AGAP1: variants seen among roughly 807,000 people sequenced by gnomAD.
The protein encoded by AGAP1 is ArfGAP with GTPase domain, ankyrin repeat and PH domain 1.
Under a neutral mutation model 105.3 loss-of-function variants are expected in AGAP1, and 29 were observed. That is an observed-to-expected ratio of 0.28 (90% CI 0.21 to 0.38). The LOEUF is 0.38. Ranked by LOEUF, AGAP1 falls within the 10% of genes least tolerant of loss-of-function variation. The probability of loss-of-function intolerance (pLI) is 1.00; values close to 1 mark genes in which losing one functional copy is unlikely to be tolerated. For missense variants in AGAP1, 998 were observed against 1,165.1 expected (o/e 0.86, Z 2.09); for synonymous variants, 509 against 485.9 (o/e 1.05, Z -0.63).
intron 1 of AGAP1, among the ~76,000 whole-genome samples, chr2:235,520,085 A>G (rs1048917292): frequency 5.9e-5 from 9 of 152,142 alleles, no homozygotes; most frequent in African/African-American, 2.2e-4. Flanking sequence ...CCCGGCCTCA[A>G]TATTATTTTG....
chr2:235,940,760 G>C (rs895703254), intron 12 of AGAP1, among the ~76,000 whole-genome samples: 1 of 152,212 alleles, frequency 6.6e-6, no homozygotes, highest in Non-Finnish European at 1.5e-5. Context: ...AAATGATCCT[G>C]TTTGCTTATG....
chr2:235,753,692 C>G lies in AGAP1; in HGVS notation c.673+3204C>G, dbSNP rs985818457. On this transcript the variant is annotated intron_variant, in intron 6 of 17. Transcript: ENST00000304032. The surrounding 1 kb of genome is among the most constrained non-coding windows in gnomAD (Gnocchi z 4.5). Reference sequence around the variant, plus strand: ...TTGCGCTCCATCCTGGGTGACAGAGCGAGACTCTGTCTCAAAAAAAAAAAA... The same window carrying G: ...TTGCGCTCCATCCTGGGTGACAGAGGGAGACTCTGTCTCAAAAAAAAAAAA... Among the ~76,000 whole-genome samples, 2 of 148,840 alleles carry G rather than the reference C, an allele frequency of 1.3e-5. No individual in the cohort carries two copies. The highest frequency in any genetic ancestry group is 3.0e-5 in the Non-Finnish European group (2 of 67,572).
intron 16 of AGAP1, among the ~76,000 whole-genome samples, chr2:236,103,082 C>A (rs1295463243): frequency 1.4e-5 from 2 of 146,866 alleles, no homozygotes; most frequent in Non-Finnish European, 3.0e-5. Flanking sequence ...TGCATTCTGA[C>A]CGTGACTCCC....
chr2:235,637,039 T>C (rs1947027141), intron 1 of AGAP1, among the ~76,000 whole-genome samples: 1 of 152,182 alleles, frequency 6.6e-6, no homozygotes, highest in Non-Finnish European at 1.5e-5. Flanking sequence ...CTTGGACTTC[T>C]GGCCTCCAGA....
At position 235,622,906 on chromosome 2, in the gene AGAP1, C is replaced by G. The variant is rs1187364280; in HGVS notation, c.164-86273C>G. On this transcript the variant is annotated intron_variant, in intron 1 of 17. Transcript: ENST00000304032. This position sits in a 1 kb window ranked among gnomAD's most constrained non-coding sequence, Gnocchi z 5.0. The stretch of plus-strand genomic sequence containing the variant: ...CTTGGAGTCAGCACTGCTTCACGGT[C>G]CTATTGGCATGAGAACCACGTCCCC... Among the ~76,000 whole-genome samples the G allele has an allele frequency of 1.3e-5, 2 of 152,082 alleles. No homozygotes were observed. Among genetic ancestry groups the G allele is most frequent in the African/African-American group, 4.8e-5 (2 of 41,412 alleles).
rs2058628807 is a variant in AGAP1 at position 236,076,053 on chromosome 2, C to G, written c.2114+26772C>G. On this transcript the variant is annotated intron_variant, in intron 16 of 17. Coordinates refer to ENST00000304032, the MANE Select transcript of AGAP1 (RefSeq NM_001037131.3). This position sits in a 1 kb window ranked among gnomAD's most constrained non-coding sequence, Gnocchi z 4.4. ...GGCAGCTCTGCTCCTCACCAAGGCCCAAGACCCGTGCTGTCATAACAGTCC... is the reference window on the plus strand; with the variant it reads ...GGCAGCTCTGCTCCTCACCAAGGCCGAAGACCCGTGCTGTCATAACAGTCC... 6.6e-6 allele frequency among the ~76,000 whole-genome samples: 1 copy of G among 152,206 alleles called. No homozygotes were observed. The highest frequency in any genetic ancestry group is 2.1e-4 in the South Asian group (1 of 4,834).
At chr2:236,032,937 T>C (rs909657224) in intron 13 of AGAP1, among the ~76,000 whole-genome samples, 1 of 152,024 alleles carries the variant, frequency 6.6e-6, no homozygotes, top group Non-Finnish European at 1.5e-5. Flanking sequence ...AGACAGGTGG[T>C]GGGATAGATT....
chr2:235,782,953 A>G (rs1354054623), intron 6 of AGAP1, among the ~76,000 whole-genome samples: 1 of 152,054 alleles, frequency 6.6e-6, no homozygotes, highest in Non-Finnish European at 1.5e-5. Context: ...TTCAGCTGTA[A>G]GTGCAATAAA....
rs1446694450 is a variant in AGAP1 at position 235,705,584 on chromosome 2, A to G, written c.164-3595A>G. Among the ~76,000 whole-genome samples the G allele has an allele frequency of 6.6e-6, 1 of 152,202 alleles. No homozygotes were observed. Among genetic ancestry groups the G allele is most frequent in the Non-Finnish European group, 1.5e-5 (1 of 68,032 alleles). ...GAGTAGGAGGAAGGACTATTTTGGT[A>G]TGCATGGCTTTCGCGAATGTTTTGT... On this transcript the variant is annotated intron_variant, in intron 1 of 17. Coordinates refer to ENST00000304032, the MANE Select transcript of AGAP1 (RefSeq NM_001037131.3). This position sits in a 1 kb window ranked among gnomAD's most constrained non-coding sequence, Gnocchi z 4.9.
chr2:235,784,075 G>T (rs1369193434), intron 6 of AGAP1, among the ~76,000 whole-genome samples: 1 of 152,098 alleles, frequency 6.6e-6, no homozygotes, highest in Non-Finnish European at 1.5e-5. Context: ...GTGGAAGGAG[G>T]TGTTCGCTTT....
intron 13 of AGAP1, among the ~76,000 whole-genome samples, chr2:236,011,900 G>A (rs1576053648): frequency 2.0e-5 from 3 of 152,090 alleles, no homozygotes; most frequent in African/African-American, 7.2e-5. Context: ...GGTTCCATTT[G>A]GCACAGTGTC....
Position 235,728,427 on chromosome 2 carries a change from C to G in AGAP1, c.310+10783C>G, listed in dbSNP as rs2149596412. On this transcript the variant is annotated intron_variant, in intron 3 of 17. Coordinates refer to ENST00000304032, the MANE Select transcript of AGAP1 (RefSeq NM_001037131.3). The surrounding 1 kb of genome is among the most constrained non-coding windows in gnomAD (Gnocchi z 4.3). ...TTCCAATGGCTTAAACTAACAAATT[C>G]ATGAATGATTGACCCAGACCAGAAA... Among the ~76,000 whole-genome samples the G allele has an allele frequency of 6.6e-6, 1 of 152,222 alleles. No homozygotes were observed. The highest frequency in any genetic ancestry group is 2.4e-5 in the African/African-American group (1 of 41,528).
chr2:235,802,090 A>T (rs1479495950), intron 8 of AGAP1, among the ~76,000 whole-genome samples: 1 of 152,060 alleles, frequency 6.6e-6, no homozygotes. Context: ...TTGACTTAAC[A>T]TCTGCTCTGT....
chr2:235,785,083 G>A (rs747106449), intron 6 of AGAP1, among the ~76,000 whole-genome samples: 3 of 152,186 alleles, frequency 2.0e-5, no homozygotes, highest in Non-Finnish European at 4.4e-5. Flanking sequence ...GGGAGGAGAC[G>A]AATAATTCTC....
intron 1 of AGAP1, among the ~76,000 whole-genome samples, chr2:235,580,673 A>G (rs1238621488): frequency 6.6e-6 from 1 of 152,144 alleles, no homozygotes; most frequent in Non-Finnish European, 1.5e-5. Flanking sequence ...GCTGATAGCT[A>G]TCTTTTTGTG....
chr2:235,759,583 A>G (rs1954265345), intron 6 of AGAP1, among the ~76,000 whole-genome samples: 1 of 152,226 alleles, frequency 6.6e-6, no homozygotes, highest in Non-Finnish European at 1.5e-5. Flanking sequence ...GGAGAGGTGC[A>G]GACCTGCTGT....
intron 1 of AGAP1, chr2:235,671,193 C>A (rs1024559950): frequency 9.8e-7 from 1 of 1,020,772 alleles, no homozygotes; most frequent in Non-Finnish European, 1.3e-6. Flanking sequence ...TCGGGTACTG[C>A]GGTTTTCCCC....
intron 16 of AGAP1, among the ~76,000 whole-genome samples, chr2:236,117,610 G>A (rs1559292656): frequency 1.3e-5 from 2 of 152,198 alleles, no homozygotes; most frequent in East Asian, 3.8e-4. Flanking sequence ...AAGTCAATCG[G>A]AGCGGAATCA....
At chr2:235,940,166 G>T (rs1248376631) in intron 12 of AGAP1, among the ~76,000 whole-genome samples, 1 of 151,980 alleles carries the variant, frequency 6.6e-6, no homozygotes, top group Non-Finnish European at 1.5e-5. Flanking sequence ...CTGTTCATTT[G>T]CTTGGTTCCC....
Sources: gnomAD v4.1 joint callset for allele counts (sites outside exome capture counted in the v4.1 genomes callset) on GRCh38, gnomAD v4.1.1 for gene constraint, Gnocchi (gnomAD v3.1) non-coding constraint, MANE v1.5 for transcripts, NCBI Gene and HGNC (gene_info 2026-07-23, HGNC 2026-07-21) for gene names.